The following CCSER1 variants were observed in gnomAD, a reference collection of about 807,000 sequenced individuals.
CCSER1 encodes the protein serine-rich coiled-coil domain-containing protein 1.
A neutral mutation model predicts 82.0 loss-of-function variants in CCSER1; 41 were observed. The observed-to-expected ratio is 0.50, with a 90% CI of 0.39 to 0.65. CCSER1 has a LOEUF of 0.65. Ranked by LOEUF, CCSER1 falls within the 30% of genes least tolerant of loss-of-function variation. CCSER1 has a pLI of 0.00. For missense variants in CCSER1, 1,119 were observed against 1,064.2 expected, an observed-to-expected ratio of 1.05 and a Z score of -0.72; for synonymous variants, 414 against 383.9, an observed-to-expected ratio of 1.08 and a Z score of -0.92.
At chr4:90,205,233 A>T (rs966966464) in intron 1 of CCSER1, among the ~76,000 whole-genome samples, 4 of 152,116 alleles carry the variant, frequency 2.6e-5, no homozygotes, top group African/African-American at 9.7e-5. Flanking sequence ...TACTATGTTG[A>T]ATAGGAGTGG....
At chr4:91,392,199 T>A (rs896714539) in intron 10 of CCSER1, among the ~76,000 whole-genome samples, 3 of 152,026 alleles carry the variant, frequency 2.0e-5, no homozygotes, top group Admixed American at 2.0e-4. Context: ...GTAAAAGATA[T>A]CTCTTGAAAA....
At chr4:90,696,563 A>T (rs1368345971) in intron 6 of CCSER1, among the ~76,000 whole-genome samples, 3 of 152,192 alleles carry the variant, frequency 2.0e-5, no homozygotes, top group African/African-American at 7.2e-5. Context: ...TTTCTGTGAT[A>T]GAGATGAAAA....
intron 3 of CCSER1, among the ~76,000 whole-genome samples, chr4:90,392,551 A>G (rs1464186368): frequency 6.6e-6 from 1 of 152,118 alleles, no homozygotes; most frequent in African/African-American, 2.4e-5. Flanking sequence ...TAAATACAAA[A>G]ACACACAGCA....
intron 7 of CCSER1, among the ~76,000 whole-genome samples, chr4:90,764,476 T>C (rs1187554470): frequency 1.3e-5 from 2 of 152,126 alleles, no homozygotes; most frequent in East Asian, 1.9e-4. Context: ...TCTTAGGTGT[T>C]TTATACCTAC....
chr4:91,235,852 C>A (rs567754460), intron 10 of CCSER1, among the ~76,000 whole-genome samples: 86 of 152,132 alleles, frequency 5.7e-4, no homozygotes, highest in African/African-American at 2.0e-3. Flanking sequence ...AAAAGAGATT[C>A]TTTCAGGTGC....
At chr4:91,048,430 A>C (rs896140856) in intron 9 of CCSER1, among the ~76,000 whole-genome samples, 3 of 152,090 alleles carry the variant, frequency 2.0e-5, no homozygotes, top group Admixed American at 2.0e-4. Context: ...TTAGTGAAAG[A>C]GACAGTATTC....
At chr4:91,361,241 G>A (rs896265310) in intron 10 of CCSER1, among the ~76,000 whole-genome samples, 3 of 151,704 alleles carry the variant, frequency 2.0e-5, no homozygotes, top group Non-Finnish European at 4.4e-5. Flanking sequence ...AATCTCAAAG[G>A]TTTAAGGAAT....
chr4:91,262,683 G>T (rs546716804), intron 10 of CCSER1, among the ~76,000 whole-genome samples: 1 of 152,012 alleles, frequency 6.6e-6, no homozygotes, highest in East Asian at 1.9e-4. Context: ...AGATCATAAA[G>T]CTCTTTAATT....
At chr4:90,654,073 G>T (rs578197118) in intron 6 of CCSER1, among the ~76,000 whole-genome samples, 1 of 152,134 alleles carries the variant, frequency 6.6e-6, no homozygotes, top group Non-Finnish European at 1.5e-5. Context: ...CAGCAAGGGG[G>T]AAATTTGCCC....
intron 1 of CCSER1, among the ~76,000 whole-genome samples, chr4:90,243,806 A>T (rs537723901): frequency 6.6e-6 from 1 of 151,900 alleles, no homozygotes; most frequent in African/African-American, 2.4e-5. Context: ...ATATATTATA[A>T]TTTTTTAAAA....
intron 10 of CCSER1, among the ~76,000 whole-genome samples, chr4:91,236,665 C>T (rs1275477925): frequency 1.3e-5 from 2 of 152,086 alleles, no homozygotes; most frequent in African/African-American, 4.8e-5. Context: ...AATATTAAGA[C>T]ATACTCTCTA....
chr4:90,701,710 T>G (rs1256303087), intron 6 of CCSER1, among the ~76,000 whole-genome samples: 1 of 152,232 alleles, frequency 6.6e-6, no homozygotes, highest in Middle Eastern at 3.2e-3. Flanking sequence ...GTTGGATTCC[T>G]AGGTATTTTA....
intron 9 of CCSER1, among the ~76,000 whole-genome samples, chr4:91,025,953 A>G (rs988966862): frequency 2.0e-5 from 3 of 152,112 alleles, no homozygotes; most frequent in Admixed American, 6.6e-5. Flanking sequence ...AGAGGGATGA[A>G]CAATCTGAAT....
At chr4:90,756,845 T>C (rs1347366385) in intron 7 of CCSER1, among the ~76,000 whole-genome samples, 1 of 152,170 alleles carries the variant, frequency 6.6e-6, no homozygotes, top group Non-Finnish European at 1.5e-5. Context: ...ATTTCTTAAG[T>C]TTCATGAAGT....
At chr4:90,477,695 T>C (rs1050501208) in intron 5 of CCSER1, among the ~76,000 whole-genome samples, 1 of 152,108 alleles carries the variant, frequency 6.6e-6, no homozygotes, top group Non-Finnish European at 1.5e-5. Flanking sequence ...GGTTTTTTTT[T>C]TATCTTCTAT....
At chr4:91,314,022 G>A (rs1016055197) in intron 10 of CCSER1, among the ~76,000 whole-genome samples, 1 of 151,942 alleles carries the variant, frequency 6.6e-6, no homozygotes, top group Non-Finnish European at 1.5e-5. Context: ...ATTCCCTGAT[G>A]TCCTAGAGAT....
intron 10 of CCSER1, among the ~76,000 whole-genome samples, chr4:91,228,423 TA>T (rs1738375601): frequency 6.6e-6 from 1 of 151,978 alleles, no homozygotes. Flanking sequence ...GCATAAGTTA[TA>T]CCAACATTAA....
At chr4:91,323,697 T>C (rs563457553) in intron 10 of CCSER1, among the ~76,000 whole-genome samples, 1 of 152,182 alleles carries the variant, frequency 6.6e-6, no homozygotes, top group African/African-American at 2.4e-5. Flanking sequence ...GTCTAAGTTT[T>C]CTTTTTGTCA....
intron 9 of CCSER1, chr4:91,017,274 A>C (rs1739515108): frequency 6.6e-6 from 1 of 151,994 alleles, no homozygotes; most frequent in Admixed American, 6.6e-5. Flanking sequence ...ACGAATGGGG[A>C]AGGATGGGAA....
Sources: allele counts gnomAD v4.1 joint callset (sites outside exome capture counted in the v4.1 genomes callset), GRCh38; gene constraint gnomAD v4.1.1; transcripts MANE v1.5; gene names NCBI Gene and HGNC (gene_info 2026-07-23, HGNC 2026-07-21).